Variants in LIPK observed in about 807,000 individuals in gnomAD.
LIPK encodes the protein lipase member K.
LIPK carries 32 observed loss-of-function variants against 48.6 expected under a neutral mutation model. The ratio of observed to expected loss-of-function variants is 0.66; its 90% CI spans 0.50 to 0.88. The LOEUF (loss-of-function observed/expected upper bound fraction) is 0.88, where lower values mean the gene tolerates loss of function less well. Ranked by LOEUF, LIPK falls within the 40% of genes least tolerant of loss-of-function variation. The pLI is 0.00. For synonymous variants in LIPK, 164 were observed against 157.4 expected (o/e 1.04, Z -0.32); for missense variants, 507 against 478.5 (o/e 1.06, Z -0.56).
intron 6 of LIPK, among the ~76,000 whole-genome samples, chr10:88,734,972 T>G (rs780277679): frequency 2.0e-5 from 3 of 152,192 alleles, no homozygotes; most frequent in Non-Finnish European, 2.9e-5. Context: ...CTTTTTTCTC[T>G]CTCTGATTAG....
intron 1 of LIPK, among the ~76,000 whole-genome samples, chr10:88,715,587 G>A (rs1179810015): frequency 6.6e-6 from 1 of 151,894 alleles, no homozygotes; most frequent in Non-Finnish European, 1.5e-5. Context: ...ACATATTATA[G>A]TCTGACAATA....
intron 1 of LIPK, among the ~76,000 whole-genome samples, chr10:88,722,812 G>C (rs1842253794): frequency 6.6e-6 from 1 of 151,240 alleles, no homozygotes; most frequent in South Asian, 2.1e-4. Flanking sequence ...GACTTTGTAA[G>C]ACCCAGTTTT....
At chr10:88,739,854 CAAAAAT>C (rs934657193) in intron 7 of LIPK, 136 bp from the exon 8 acceptor site, 58 of 480,624 alleles carry the variant, frequency 1.2e-4, no homozygotes, top group Admixed American at 2.2e-4. Flanking sequence ...GACTCCAACT[CAAAAAT>C]AAAAATAAAA....
chr10:88,750,206 G>A (rs1399454525), intron 9 of LIPK, among the ~76,000 whole-genome samples: 10 of 152,184 alleles, frequency 6.6e-5, no homozygotes, highest in Non-Finnish European at 1.2e-4. Context: ...CCACTGGTGG[G>A]AATGTAAATT....
intron 1 of LIPK, among the ~76,000 whole-genome samples, chr10:88,722,996 C>T (rs1026989181): frequency 2.0e-5 from 3 of 146,726 alleles, no homozygotes; most frequent in South Asian, 2.2e-4. Context: ...GTGATCCTCT[C>T]ACCTCAGCCC....
At position 88,735,836 on chromosome 10, in the gene LIPK, A is replaced by G. The variant is rs1842560914; in HGVS notation, c.670-1799A>G. Among the ~76,000 whole-genome samples, 5 of 152,364 alleles carry G rather than the reference A, an allele frequency of 3.3e-5. No homozygotes were observed. The South Asian group carries it at 1.0e-3, about 32-fold the overall frequency. Reference sequence around the variant, plus strand: ...GGTGCTATACTGCTGGCTGGCCTGCATTAATATCCTCTCTTTTAGCTTAGG... The same window carrying G: ...GGTGCTATACTGCTGGCTGGCCTGCGTTAATATCCTCTCTTTTAGCTTAGG... On this transcript the variant is annotated intron_variant, in intron 6 of 9. Coordinates refer to ENST00000404190, the MANE Select transcript of LIPK (RefSeq NM_001080518.2).
chr10:88,720,442 G>A (rs1169269242), intron 1 of LIPK, among the ~76,000 whole-genome samples: 1 of 152,000 alleles, frequency 6.6e-6, no homozygotes, highest in Non-Finnish European at 1.5e-5. Flanking sequence ...CCTGGGCAAC[G>A]AAATACTCTG....
At chr10:88,739,401 G>C (rs1396792026) in intron 7 of LIPK, among the ~76,000 whole-genome samples, 1 of 152,142 alleles carries the variant, frequency 6.6e-6, no homozygotes, top group African/African-American at 2.4e-5. Flanking sequence ...TCTGGAAAAA[G>C]ATAGATTTCC....
intron 9 of LIPK, among the ~76,000 whole-genome samples, chr10:88,746,336 G>T (rs1842765619): frequency 6.6e-6 from 1 of 152,046 alleles, no homozygotes; most frequent in Non-Finnish European, 1.5e-5. Flanking sequence ...TTCTTCTCAT[G>T]TGCACATGGC....
At chr10:88,731,586 G>A (rs930923407) in intron 4 of LIPK, among the ~76,000 whole-genome samples, 7 of 152,220 alleles carry the variant, frequency 4.6e-5, no homozygotes, top group Non-Finnish European at 1.0e-4. Flanking sequence ...ACCATGCCTT[G>A]GAGGTCATGA....
chr10:88,742,069 C>A (rs1245479229), intron 8 of LIPK, among the ~76,000 whole-genome samples: 1 of 152,118 alleles, frequency 6.6e-6, no homozygotes, highest in Non-Finnish European at 1.5e-5. Flanking sequence ...AGAGAGAGAG[C>A]ACAAAGTGGG....
intron 1 of LIPK, 52 bp from the exon 2 acceptor site, chr10:88,724,481 C>T: frequency 9.1e-7 from 1 of 1,094,832 alleles, no homozygotes; most frequent in Non-Finnish European, 1.3e-6. Context: ...CACCAAATTT[C>T]ACTTCGTAGA....
At chr10:88,724,925 G>T (rs1466572404) in intron 2 of LIPK, among the ~76,000 whole-genome samples, 1 of 152,150 alleles carries the variant, frequency 6.6e-6, no homozygotes, top group East Asian at 1.9e-4. Context: ...GATCTCTATA[G>T]AGTACCTTTG....
At position 88,732,569 on chromosome 10, in the gene LIPK, T is replaced by G. The variant is rs932905232; in HGVS notation, c.669+18T>G. 6 of 1,582,390 alleles carry G rather than the reference T, an allele frequency of 3.8e-6. No homozygotes were observed. The highest frequency in any genetic ancestry group is 5.1e-6 in the Non-Finnish European group (6 of 1,169,708). The stretch of plus-strand genomic sequence containing the variant: ...TAGTTAAGGTATGTGACTTCCCAAG[T>G]TTTAATCTGAAATAACTAAAAGTAG... On this transcript the variant is annotated intron_variant, in intron 6 of 9. Coordinates refer to ENST00000404190, the MANE Select transcript of LIPK (RefSeq NM_001080518.2).
In LIPK at chr10:88,730,980, C is replaced by A; in HGVS notation, c.224-3C>A. 6.4e-7 allele frequency: 1 copy of A among 1,557,188 alleles called. No individual in the cohort carries two copies. The highest frequency in any genetic ancestry group is 1.2e-5 in the South Asian group (1 of 81,242). The stretch of plus-strand genomic sequence containing the variant: ...TGAAATTCTTGTTGCCTGTGTTTTG[C>A]AGCTCCAAAGCCTGCTGTGTATTTG... On this transcript the variant is annotated splice_region_variant and splice_polypyrimidine_tract_variant and intron_variant, in intron 3 of 9. Coordinates refer to ENST00000404190, the MANE Select transcript of LIPK (RefSeq NM_001080518.2).
rs532434099 is a variant in LIPK at position 88,745,175 on chromosome 10, G to C, written c.960+1854G>C. On this transcript the variant is annotated intron_variant, in intron 9 of 9. Transcript: ENST00000404190. Reference sequence around the variant, plus strand: ...AGCTCTCTGGCATTCCTGAAAGAGAGGAAGAGAGAGGAAGTAACTTGGAAA... The same window carrying C: ...AGCTCTCTGGCATTCCTGAAAGAGACGAAGAGAGAGGAAGTAACTTGGAAA... 3.5e-4 allele frequency among the ~76,000 whole-genome samples: 50 copies of C among 144,836 alleles called. No homozygotes were observed. In the East Asian group the frequency reaches 0.011, roughly 32 times the overall value.
chr10:88,711,795 T>G (rs1842032144), intron 1 of LIPK, among the ~76,000 whole-genome samples: 1 of 152,124 alleles, frequency 6.6e-6, no homozygotes, highest in Non-Finnish European at 1.5e-5. Context: ...ATGATGTTTT[T>G]GAAGAACAGA....
intron 1 of LIPK, among the ~76,000 whole-genome samples, chr10:88,719,788 G>A (rs958446979): frequency 6.6e-6 from 1 of 152,108 alleles, no homozygotes; most frequent in Admixed American, 6.5e-5. Context: ...TTTGCTTGAT[G>A]AGCCTGATAG....
intron 1 of LIPK, among the ~76,000 whole-genome samples, chr10:88,712,798 A>G (rs764435087): frequency 2.0e-5 from 3 of 152,172 alleles, no homozygotes; most frequent in Admixed American, 6.5e-5. Flanking sequence ...TACTGTTACC[A>G]TGGGAAGAAG....
Sources: allele counts gnomAD v4.1 joint callset (sites outside exome capture counted in the v4.1 genomes callset), GRCh38; gene constraint gnomAD v4.1.1; transcripts MANE v1.5; gene names NCBI Gene and HGNC (gene_info 2026-07-23, HGNC 2026-07-21).